The following MDM4 variants were observed in gnomAD, a reference collection of about 807,000 sequenced individuals.
MDM4 encodes MDM4 regulator of p53.
Under a neutral mutation model 60.2 loss-of-function variants are expected in MDM4, and 2 were observed. That is an observed-to-expected ratio of 0.03 (90% CI 0.01 to 0.10). The LOEUF is 0.10. Ranked by LOEUF, MDM4 falls within the 10% of genes least tolerant of loss-of-function variation. The pLI is 1.00. For missense variants in MDM4, 447 were observed against 577.5 expected, an observed-to-expected ratio of 0.77 and a Z score of 2.32; for synonymous variants, 202 against 198.1, an observed-to-expected ratio of 1.02 and a Z score of -0.17.
intron 7 of MDM4, 118 bp downstream of exon 7, chr1:204,538,426 C>T: frequency 3.1e-6 from 2 of 652,840 alleles, no homozygotes; most frequent in South Asian, 1.9e-5. Context: ...TCATCCTTTT[C>T]TGAAAACCTT....
chr1:204,539,799 G>A (rs941706392), intron 7 of MDM4, among the ~76,000 whole-genome samples: 1 of 151,934 alleles, frequency 6.6e-6, no homozygotes, highest in East Asian at 1.9e-4. Flanking sequence ...CTCCCAAAGT[G>A]CTGGGATTAT....
intron 5 of MDM4, chr1:204,532,806 A>G (rs777903580): frequency 3.1e-6 from 5 of 1,611,476 alleles, no homozygotes; most frequent in Non-Finnish European, 3.4e-6. Context: ...CCCACGCTCT[A>G]GAGTTGGCAG....
In MDM4 at chr1:204,532,243, A is replaced by T; in HGVS notation, c.340A>T (p.Thr114Ser). The change falls in exon 5 of 11, where the codon ACA (threonine) becomes TCA (serine). Residue 114 changes from threonine (T) to serine (S), a missense_variant. By Grantham distance (58) the Thr-to-Ser change is moderately conservative. Transcript: ENST00000367182. ...TCTTGTCACTTTAGCCACTGCTACT[A>T]CAGGTATGTCACATCATATTTCTTC... ...KNLVTLATAT[T>S]DAAQTLALAQ... 1 of 1,585,920 alleles carries T rather than the reference A, an allele frequency of 6.3e-7. No individual in the cohort carries two copies. Among genetic ancestry groups the T allele is most frequent in the Non-Finnish European group, 8.7e-7 (1 of 1,155,038 alleles).
At chr1:204,516,763 A>G (rs917449710) in intron 1 of MDM4, among the ~76,000 whole-genome samples, 1 of 152,192 alleles carries the variant, frequency 6.6e-6, no homozygotes, top group Non-Finnish European at 1.5e-5. Flanking sequence ...TGACAAACCT[A>G]AAGTCGACGT....
rs374681208 is a variant in MDM4 at position 204,521,577 on chromosome 1, GT to G, written c.-35-3906del. ...GCCTTTTTGTGTAGTCTCCAGTAGA[GT>G]AGCCAGATTTCAAGCACCTCCAAAA... is the stretch of plus-strand genomic sequence containing the variant. On this transcript the variant is annotated intron_variant, in intron 1 of 10. Coordinates refer to ENST00000367182, the MANE Select transcript of MDM4 (RefSeq NM_002393.5). Among the ~76,000 whole-genome samples, 308 of 152,038 alleles carry G rather than the reference GT, an allele frequency of 2.0e-3. 1 individual carries two copies. Among genetic ancestry groups the G allele is most frequent in the African/African-American group, 7.0e-3 (288 of 41,436 alleles).
chr1:204,530,571 T>C, intron 3 of MDM4, 113 bp from the exon 4 acceptor site: 1 of 1,402,072 alleles, frequency 7.1e-7, no homozygotes, highest in South Asian at 1.3e-5. Context: ...TTGACAGTCT[T>C]GTAAATATGT....
intron 5 of MDM4, among the ~76,000 whole-genome samples, chr1:204,533,716 T>C (rs1320398932): frequency 6.6e-6 from 1 of 152,206 alleles, no homozygotes; most frequent in Non-Finnish European, 1.5e-5. Flanking sequence ...TTTGATAGTT[T>C]ACTGAAATAA....
Position 204,526,353 on chromosome 1 carries a change from A to C in MDM4, c.79-7A>C, listed in dbSNP as rs779420858. On this transcript the variant is annotated splice_region_variant and splice_polypyrimidine_tract_variant and intron_variant, in intron 2 of 10. Coordinates refer to ENST00000367182, the MANE Select transcript of MDM4 (RefSeq NM_002393.5). ...TAAATAGCACATTTATTTTATGTTT[A>C]TATCAGGTACGACCAAAACTGCCGC... 9.3e-6 allele frequency: 15 copies of C among 1,610,442 alleles called. No homozygotes were observed. The highest frequency in any genetic ancestry group is 1.2e-5 in the Non-Finnish European group (14 of 1,177,014).
rs56199911 is a variant in MDM4, at chr1:204,557,904, C to CTAATAATAA, written c.*8241_*8249dup. ...GTAATAATAAAACTTCAGTCTTTCGCTAATAATAATAATAATAATAATAAT... is the reference window on the plus strand; with the variant it reads ...GTAATAATAAAACTTCAGTCTTTCGCTAATAATAATAATAATAATAATAATAATAATAAT... On this transcript the variant is annotated 3_prime_UTR_variant, in exon 11 of 11. Transcript: ENST00000367182. 18 of 150,794 alleles carry CTAATAATAA rather than the reference C, an allele frequency of 1.2e-4. No homozygotes were observed. Among genetic ancestry groups the CTAATAATAA allele is most frequent in the Non-Finnish European group, 2.1e-4 (16 of 74,898 alleles). 9.3% of individuals were successfully genotyped at this position (150,794 alleles called of 1,614,324 possible).
rs1156777974 is a variant in MDM4, at chr1:204,525,467, T to C, written c.-35-17T>C. 4 of 1,542,522 alleles carry C rather than the reference T, an allele frequency of 2.6e-6. No homozygotes were observed. In the East Asian group the frequency reaches 9.1e-5, roughly 35 times the overall value. On this transcript the variant is annotated splice_polypyrimidine_tract_variant and intron_variant, in intron 1 of 10. Transcript: ENST00000367182. ...TCTGCATTAGAATAGATGTTATAAATTTTTTTTTCTATTTAGTTTTACCAA... is the reference window on the plus strand; with the variant it reads ...TCTGCATTAGAATAGATGTTATAAACTTTTTTTTCTATTTAGTTTTACCAA...
intron 3 of MDM4, chr1:204,528,863 C>T (rs1294915435): frequency 4.5e-6 from 7 of 1,572,724 alleles, no homozygotes; most frequent in African/African-American, 2.7e-5. Context: ...TCCGAGCTGT[C>T]ATGGTGACGA....
At chr1:204,539,697 C>T (rs947800558) in intron 7 of MDM4, among the ~76,000 whole-genome samples, 4 of 151,784 alleles carry the variant, frequency 2.6e-5, no homozygotes, top group Non-Finnish European at 4.4e-5. Context: ...CCACTACGCC[C>T]AGCTAATTTT....
At chr1:204,519,195 A>G (rs1462255019) in intron 1 of MDM4, among the ~76,000 whole-genome samples, 3 of 152,226 alleles carry the variant, frequency 2.0e-5, no homozygotes, top group Non-Finnish European at 4.4e-5. Flanking sequence ...TCTTTACAGC[A>G]ATAGCAAGCT....
At chr1:204,524,900 C>T (rs1346296766) in intron 1 of MDM4, among the ~76,000 whole-genome samples, 1 of 152,270 alleles carries the variant, frequency 6.6e-6, no homozygotes, top group African/African-American at 2.4e-5. Context: ...TACATCTTTT[C>T]TTTGATGGTA....
chr1:204,531,434 A>C (rs1246160926), intron 4 of MDM4, among the ~76,000 whole-genome samples: 1 of 152,184 alleles, frequency 6.6e-6, no homozygotes, highest in Non-Finnish European at 1.5e-5. Context: ...CATGGGGTGT[A>C]AGTTATTAGC....
At chr1:204,530,021 C>T (rs939963348) in intron 3 of MDM4, among the ~76,000 whole-genome samples, 5 of 152,090 alleles carry the variant, frequency 3.3e-5, no homozygotes, top group East Asian at 1.9e-4. Flanking sequence ...GGACTACAAG[C>T]GTGCCTCACC....
chr1:204,538,419 T>C, intron 7 of MDM4, 111 bp downstream of exon 7: 1 of 665,834 alleles, frequency 1.5e-6, no homozygotes, highest in African/African-American at 1.8e-5. Flanking sequence ...CAATTTCTCA[T>C]CCTTTTCTGA....
At chr1:204,539,911 T>TA (rs1177609559) in intron 7 of MDM4, among the ~76,000 whole-genome samples, 1 of 152,176 alleles carries the variant, frequency 6.6e-6, no homozygotes, top group African/African-American at 2.4e-5. Context: ...AGTGAAAACT[T>TA]AGTTTCATGC....
chr1:204,536,201 G>A (rs374678348), intron 5 of MDM4, among the ~76,000 whole-genome samples: 59 of 152,266 alleles, frequency 3.9e-4, no homozygotes, highest in African/African-American at 1.3e-3. Context: ...TTAGTGAGCC[G>A]AGATTGCGCC....
Sources: allele counts gnomAD v4.1 joint callset (sites outside exome capture counted in the v4.1 genomes callset), GRCh38; gene constraint gnomAD v4.1.1; transcripts MANE v1.5; gene names NCBI Gene and HGNC (gene_info 2026-07-23, HGNC 2026-07-21).